RXYLT1: variants seen among roughly 807,000 people sequenced by gnomAD.
RXYLT1 encodes ribitol-5-phosphate xylosyltransferase 1.
RXYLT1 carries 41 observed loss-of-function variants against 43.5 expected under a neutral mutation model. The observed-to-expected ratio is 0.94, with a 90% CI of 0.73 to 1.22. The LOEUF (loss-of-function observed/expected upper bound fraction) is 1.22. RXYLT1 is among the 50% of genes most tolerant of loss of function. The pLI is 0.00. For synonymous variants in RXYLT1, 166 were observed against 194.4 expected (o/e 0.85, Z 1.21); for missense variants, 514 against 532.0 (o/e 0.97, Z 0.33).
Position 63,803,181 on chromosome 12 carries a change from CAAAAAAA to C in RXYLT1, c.743+800_743+806del, listed in dbSNP as rs763579072. On this transcript the variant is annotated intron_variant, in intron 4 of 5. Transcript: ENST00000261234. ...ACAGAGTGAGATGAGACTGTCTCAC[CAAAAAAA>C]AAAAAAAAAAAAAAAAAAAAAAAGA... is the stretch of plus-strand genomic sequence containing the variant. Among the ~76,000 whole-genome samples, 21 of 22,592 alleles carry C rather than the reference CAAAAAAA, an allele frequency of 9.3e-4. No individual in the cohort carries two copies. In the East Asian group the frequency reaches 0.026, roughly 28 times the overall value. 14.8% of individuals were successfully genotyped at this position (22,592 alleles called of 152,430 possible).
At chr12:63,784,559 T>C (rs1897758591) in intron 2 of RXYLT1, among the ~76,000 whole-genome samples, 1 of 152,242 alleles carries the variant, frequency 6.6e-6, no homozygotes, top group Non-Finnish European at 1.5e-5. Flanking sequence ...TGAGCTCCTC[T>C]GGCTCCATTT....
chr12:63,784,353 T>C (rs939718929), intron 2 of RXYLT1, among the ~76,000 whole-genome samples: 1 of 152,148 alleles, frequency 6.6e-6, no homozygotes, highest in African/African-American at 2.4e-5. Context: ...AGTGCCTCAT[T>C]GAGTAACACT....
chr12:63,789,069 G>T (rs1897866149), intron 3 of RXYLT1, among the ~76,000 whole-genome samples: 1 of 152,150 alleles, frequency 6.6e-6, no homozygotes, highest in Non-Finnish European at 1.5e-5. Context: ...GGCCCAACCA[G>T]AAACAGAAAC....
intron 4 of RXYLT1, chr12:63,804,486 G>T (rs1186782348): frequency 1.3e-5 from 2 of 151,642 alleles, no homozygotes; most frequent in Non-Finnish European, 2.9e-5. Flanking sequence ...AAAGCCCTTG[G>T]GATTAATTTT....
intron 2 of RXYLT1, among the ~76,000 whole-genome samples, chr12:63,784,679 G>A (rs1045151049): frequency 2.6e-5 from 4 of 152,164 alleles, no homozygotes; most frequent in African/African-American, 7.2e-5. Flanking sequence ...AGGTGGTAAA[G>A]ATCCATATAA....
intron 1 of RXYLT1, 124 bp downstream of exon 1, chr12:63,780,253 T>C: frequency 7.2e-7 from 1 of 1,379,802 alleles, no homozygotes; most frequent in East Asian, 2.9e-5. Context: ...TGAGAAGCGC[T>C]TTGCCCCCTA....
chr12:63,799,730 C>CT (rs930993048), intron 3 of RXYLT1, among the ~76,000 whole-genome samples: 2 of 151,808 alleles, frequency 1.3e-5, no homozygotes, highest in Admixed American at 1.3e-4. Context: ...TCAAGATTTC[C>CT]TTTTTTTTCC....
At chr12:63,803,471 T>A (rs1343542975) in intron 4 of RXYLT1, among the ~76,000 whole-genome samples, 1 of 152,094 alleles carries the variant, frequency 6.6e-6, no homozygotes, top group Non-Finnish European at 1.5e-5. Flanking sequence ...GAATCATACA[T>A]TCATTATTCA....
intron 4 of RXYLT1, among the ~76,000 whole-genome samples, chr12:63,802,920 A>G (rs1221462154): frequency 6.6e-6 from 1 of 151,926 alleles, no homozygotes; most frequent in Non-Finnish European, 1.5e-5. Flanking sequence ...CTGTAATCCC[A>G]GCACTTTGGG....
chr12:63,798,223 A>C (rs1191598981), intron 3 of RXYLT1, among the ~76,000 whole-genome samples: 1 of 150,938 alleles, frequency 6.6e-6, no homozygotes, highest in East Asian at 1.9e-4. Flanking sequence ...TCAAACATTG[A>C]GTGATCTTTC....
At chr12:63,783,355 G>A (rs897444848) in intron 2 of RXYLT1, among the ~76,000 whole-genome samples, 1 of 152,104 alleles carries the variant, frequency 6.6e-6, no homozygotes, top group Non-Finnish European at 1.5e-5. Flanking sequence ...CAGCTACTCA[G>A]GAGGCTGAGG....
chr12:63,794,848 C>T (rs949955), intron 3 of RXYLT1, among the ~76,000 whole-genome samples: 26,065 of 151,830 alleles, frequency 0.17, 3,824 homozygotes, highest in East Asian at 0.58. Flanking sequence ...TTCATTGTAG[C>T]AGAATAAATA....
intron 2 of RXYLT1, 148 bp downstream of exon 2, chr12:63,781,322 C>T: frequency 1.3e-6 from 1 of 776,076 alleles, no homozygotes. Context: ...TAATTCCTTT[C>T]TCCTTCCAAT....
At chr12:63,784,914 C>T in intron 2 of RXYLT1, 56 bp from the exon 3 acceptor site, 2 of 1,467,368 alleles carry the variant, frequency 1.4e-6, no homozygotes, top group South Asian at 1.2e-5. Context: ...GTCTCATGCA[C>T]TAAAGTAGAT....
intron 3 of RXYLT1, among the ~76,000 whole-genome samples, chr12:63,798,170 T>C (rs1315111079): frequency 6.6e-6 from 1 of 152,162 alleles, no homozygotes; most frequent in Non-Finnish European, 1.5e-5. Flanking sequence ...ATGTACCTAC[T>C]CTCTGTCTGG....
chr12:63,800,797 C>T (rs557982971), intron 3 of RXYLT1, among the ~76,000 whole-genome samples: 1 of 152,042 alleles, frequency 6.6e-6, no homozygotes, highest in East Asian at 1.9e-4. Context: ...TGGCACGCAC[C>T]TGCAGTCCCA....
intron 3 of RXYLT1, chr12:63,785,529 G>A (rs1241830697): frequency 2.0e-5 from 3 of 152,080 alleles, no homozygotes; most frequent in Admixed American, 2.0e-4. Flanking sequence ...AAACAAATTT[G>A]ATGAGTTCTA....
At chr12:63,798,658 G>C (rs1171353985) in intron 3 of RXYLT1, among the ~76,000 whole-genome samples, 1 of 152,158 alleles carries the variant, frequency 6.6e-6, no homozygotes, top group Non-Finnish European at 1.5e-5. Flanking sequence ...TTCAACATTA[G>C]ATTACCCTGC....
At position 63,808,683 on chromosome 12, in the gene RXYLT1, C is replaced by G; in HGVS notation, c.923C>G (p.Pro308Arg). 2.5e-6 allele frequency: 4 copies of G among 1,599,258 alleles called. No homozygotes were observed. Among genetic ancestry groups the G allele is most frequent in the Non-Finnish European group, 3.4e-6 (4 of 1,177,042 alleles). ...TTTTTCTGATTTTCTAGCTGGCAGC[C>G]TCAGGAAACAAATGAAAGTCTTAAG... ...CWVSAREHWQ[P>R]QETNESLKNY... Residue 308 changes from proline (P) to arginine (R), a missense_variant, in exon 6 of 6, where the codon CCT becomes CGT. Physicochemically the swap from Pro to Arg is moderately radical, Grantham distance 103. Coordinates refer to ENST00000261234, the MANE Select transcript of RXYLT1 (RefSeq NM_014254.3).
Sources: gnomAD v4.1 joint callset for allele counts (sites outside exome capture counted in the v4.1 genomes callset) on GRCh38, gnomAD v4.1.1 for gene constraint, MANE v1.5 for transcripts, NCBI Gene and HGNC (gene_info 2026-07-23, HGNC 2026-07-21) for gene names.